COL28A1: variants seen among roughly 807,000 people sequenced by gnomAD.
COL28A1 encodes collagen type XXVIII alpha 1 chain, also known as collagen alpha-1(XXVIII) chain.
A neutral mutation model predicts 150.2 loss-of-function variants in COL28A1; 161 were observed. That is an observed-to-expected ratio of 1.07 (90% CI 0.94 to 1.22). COL28A1 has a LOEUF of 1.22. Ranked by LOEUF, COL28A1 falls within the 50% of genes most tolerant of loss-of-function variation. COL28A1 has a pLI of 0.00. For missense variants in COL28A1, 1,617 were observed against 1,388.3 expected, an observed-to-expected ratio of 1.16 and a Z score of -2.62; for synonymous variants, 552 against 469.7, an observed-to-expected ratio of 1.18 and a Z score of -2.26.
chr7:7,381,382 G>C (rs61244384), intron 28 of COL28A1, among the ~76,000 whole-genome samples, 162 bp downstream of exon 28: 1 of 152,182 alleles, frequency 6.6e-6, no homozygotes, highest in African/African-American at 2.4e-5. Flanking sequence ...CCTATTTATA[G>C]GTAGACAAAG....
intron 3 of COL28A1, among the ~76,000 whole-genome samples, chr7:7,529,076 C>T (rs544063708): frequency 6.6e-6 from 1 of 152,000 alleles, no homozygotes; most frequent in Non-Finnish European, 1.5e-5. Flanking sequence ...CCGAGGCGGG[C>T]AGATCACCTG....
chr7:7,442,495 C>T (rs956071218), intron 20 of COL28A1, among the ~76,000 whole-genome samples: 5 of 152,084 alleles, frequency 3.3e-5, no homozygotes, highest in Admixed American at 3.3e-4. Flanking sequence ...CTCCACCTCA[C>T]CCAAAAAGGA....
At chr7:7,501,891 A>G (rs762880192) in intron 11 of COL28A1, among the ~76,000 whole-genome samples, 112 of 151,906 alleles carry the variant, frequency 7.4e-4, no homozygotes, top group Non-Finnish European at 1.3e-3. Flanking sequence ...GAGACTATTG[A>G]GACGTTCCGT....
At chr7:7,440,113 A>G (rs1686335763) in intron 21 of COL28A1, among the ~76,000 whole-genome samples, 1 of 152,228 alleles carries the variant, frequency 6.6e-6, no homozygotes, top group Non-Finnish European at 1.5e-5. Flanking sequence ...GTCAGGACAC[A>G]TACTTAATTG....
intron 25 of COL28A1, among the ~76,000 whole-genome samples, chr7:7,430,100 AG>A (rs541767225): frequency 2.3e-3 from 357 of 152,314 alleles, no homozygotes; most frequent in Non-Finnish European, 3.6e-3. Flanking sequence ...AATCTGACAC[AG>A]TGAAATATTC....
chr7:7,494,817 T>C (rs1780115538), intron 11 of COL28A1, among the ~76,000 whole-genome samples: 1 of 152,156 alleles, frequency 6.6e-6, no homozygotes, highest in Non-Finnish European at 1.5e-5. Context: ...GAGGCAGAAA[T>C]GTTTAATTCT....
chr7:7,366,934 T>C (rs1211708008), intron 33 of COL28A1, among the ~76,000 whole-genome samples: 3 of 152,372 alleles, frequency 2.0e-5, no homozygotes, highest in African/African-American at 7.2e-5. Flanking sequence ...GGCATAAATA[T>C]GTTCTTGTAT....
At position 7,435,159 on chromosome 7, in the gene COL28A1, C is replaced by T. The variant is rs541350960; in HGVS notation, c.1860+1236G>A. Among the ~76,000 whole-genome samples, 8 of 152,194 alleles carry T rather than the reference C, an allele frequency of 5.3e-5. No homozygotes were observed. In the South Asian group the frequency reaches 1.0e-3, roughly 20 times the overall value. ...AATCATCAACAGAAAACAGGTGAGGCCTATAAACTCTAGCAGCACATTTAA... is the reference window on the plus strand; with the variant it reads ...AATCATCAACAGAAAACAGGTGAGGTCTATAAACTCTAGCAGCACATTTAA... On this transcript the variant is annotated intron_variant, in intron 23 of 34. Transcript: ENST00000399429.
chr7:7,394,782 T>C (rs1178961814), intron 27 of COL28A1, among the ~76,000 whole-genome samples: 1 of 152,248 alleles, frequency 6.6e-6, no homozygotes, highest in African/African-American at 2.4e-5. Flanking sequence ...CCCTTCCTGT[T>C]TGAGTTCATG....
intron 15 of COL28A1, among the ~76,000 whole-genome samples, chr7:7,472,590 C>A (rs1434632285): frequency 6.6e-6 from 1 of 152,160 alleles, no homozygotes; most frequent in Non-Finnish European, 1.5e-5. Flanking sequence ...TGACAATGAC[C>A]ATACTGCCAA....
At chr7:7,452,222 T>C in intron 18 of COL28A1, 97 bp downstream of exon 18, 1 of 1,517,150 alleles carries the variant, frequency 6.6e-7, no homozygotes, top group South Asian at 1.3e-5. Flanking sequence ...TAGAGTTAGA[T>C]AACACACACA....
Position 7,440,856 on chromosome 7 carries a change from G to A in COL28A1, c.1656C>T (p.Asp552=), listed in dbSNP as rs751915529. ...TTCCTTTGCTCCCTTTCTTGCCTTC[G>A]TCACCCTAACAAAATAATTATGAAA... ...PGKGQPGPKG[D]EGKKGSKGNQ... is the part of the protein sequence containing the mutation. The change falls in exon 21 of 35, where the codon GAC becomes GAT. Residue 552 remains aspartate, a synonymous_variant. Coordinates refer to ENST00000399429, the MANE Select transcript of COL28A1 (RefSeq NM_001037763.3). 24 of 1,488,810 alleles carry A rather than the reference G, an allele frequency of 1.6e-5. No homozygotes were observed. Among genetic ancestry groups the A allele is most frequent in the South Asian group, 1.6e-4 (14 of 87,962 alleles). 92.2% of individuals were successfully genotyped at this position (1,488,810 alleles called of 1,614,324 possible). A position where few individuals can be genotyped will look rare whatever the true frequency, so the allele number is the denominator to read the frequency against.
chr7:7,474,521 C>T (rs1036391820), intron 15 of COL28A1, 80 bp downstream of exon 15: 4 of 709,726 alleles, frequency 5.6e-6, no homozygotes, highest in African/African-American at 5.4e-5. Flanking sequence ...GTCATGTATA[C>T]AGTTCAGAAA....
intron 18 of COL28A1, among the ~76,000 whole-genome samples, chr7:7,446,743 G>C (rs1305507623): frequency 6.6e-6 from 1 of 152,186 alleles, no homozygotes; most frequent in Non-Finnish European, 1.5e-5. Context: ...TCCAGTGCCT[G>C]TACAAAGTTT....
At chr7:7,438,339 A>C (rs1562647754) in intron 21 of COL28A1, among the ~76,000 whole-genome samples, 1 of 152,232 alleles carries the variant, frequency 6.6e-6, no homozygotes, top group Non-Finnish European at 1.5e-5. Flanking sequence ...TAATATTTAG[A>C]GTCTCAAAGA....
intron 14 of COL28A1, among the ~76,000 whole-genome samples, chr7:7,476,024 C>G (rs1343707344): frequency 6.6e-6 from 1 of 152,122 alleles, no homozygotes; most frequent in Non-Finnish European, 1.5e-5. Flanking sequence ...ATTTAGGATT[C>G]TCATAGATAA....
chr7:7,501,391 T>C (rs1780515496), intron 11 of COL28A1, among the ~76,000 whole-genome samples: 2 of 152,228 alleles, frequency 1.3e-5, no homozygotes, highest in South Asian at 4.1e-4. Context: ...CTTGAAGCTC[T>C]AATGCTGGGG....
At chr7:7,445,773 TCTAACA>T (rs944322715) in intron 18 of COL28A1, among the ~76,000 whole-genome samples, 14 of 150,976 alleles carry the variant, frequency 9.3e-5, no homozygotes, top group Admixed American at 7.3e-4. Flanking sequence ...GCACAGTAAA[TCTAACA>T]CTAAGTAGAT....
intron 33 of COL28A1, among the ~76,000 whole-genome samples, chr7:7,360,854 C>T (rs564092323): frequency 1.6e-4 from 24 of 152,246 alleles, no homozygotes; most frequent in African/African-American, 4.8e-4. Flanking sequence ...GTGAAAGATG[C>T]AAAGTTGAGA....
Sources: allele counts gnomAD v4.1 joint callset (sites outside exome capture counted in the v4.1 genomes callset), GRCh38; gene constraint gnomAD v4.1.1; transcripts MANE v1.5; gene names NCBI Gene and HGNC (gene_info 2026-07-23, HGNC 2026-07-21).